Variants in WDR72 observed in about 807,000 individuals in gnomAD.
WDR72 encodes the protein WD repeat-containing protein 72.
In WDR72, 120 loss-of-function variants were observed where a neutral mutation model predicts 124.2. The observed-to-expected ratio is 0.97, with a 90% CI of 0.83 to 1.12. The LOEUF (loss-of-function observed/expected upper bound fraction) is 1.12, where lower values mean the gene tolerates loss of function less well. WDR72 is among the 50% of genes most tolerant of loss of function. The pLI, the probability that WDR72 is intolerant of heterozygous loss-of-function variation, is 0.00. For missense variants in WDR72, 1,387 were observed against 1,278.8 expected (o/e 1.08, Z -1.29); for synonymous variants, 452 against 441.7 (o/e 1.02, Z -0.29).
upstream of WDR72, among the ~76,000 whole-genome samples, chr15:53,761,256 A>T (rs1185375303): frequency 6.6e-6 from 1 of 152,222 alleles, no homozygotes; most frequent in East Asian, 1.9e-4. Context: ...GCAAATCAAA[A>T]CTACAATGGG....
intron 18 of WDR72, among the ~76,000 whole-genome samples, chr15:53,539,645 G>C (rs1240432336): frequency 6.7e-6 from 1 of 149,666 alleles, no homozygotes; most frequent in African/African-American, 2.4e-5. Flanking sequence ...GTAAACATTA[G>C]GAAAAAAAAA....
In WDR72 at chr15:53,722,988, T is replaced by C. The variant is rs1035647297; in HGVS notation, c.154-80A>G. 3 of 1,318,156 alleles carry C rather than the reference T, an allele frequency of 2.3e-6. No homozygotes were observed. In the South Asian group the frequency reaches 3.6e-5, roughly 16 times the overall value. 81.7% of individuals were successfully genotyped at this position (1,318,156 alleles called of 1,614,324 possible). A position where few individuals can be genotyped will look rare whatever the true frequency, so the allele number is the denominator to read the frequency against. On this transcript the variant is annotated intron_variant, in intron 2 of 19. Transcript: ENST00000360509. ...AACACCACAATATAGTATTCATAAC[T>C]CTGATTAGGAAATTCTGTTGTTTTT...
At chr15:53,663,647 T>C (rs1022489195) in intron 14 of WDR72, among the ~76,000 whole-genome samples, 1 of 152,074 alleles carries the variant, frequency 6.6e-6, no homozygotes, top group Non-Finnish European at 1.5e-5. Flanking sequence ...CTGAAACGCA[T>C]AGGTCAAGAG....
At chr15:53,550,394 G>A (rs943864717) in intron 18 of WDR72, among the ~76,000 whole-genome samples, 20 of 152,122 alleles carry the variant, frequency 1.3e-4, no homozygotes, top group African/African-American at 4.8e-4. Flanking sequence ...CAGACCTCTC[G>A]TCTTGACCAT....
chr15:53,756,533 T>G (rs939244945), intron 1 of WDR72: 1 of 152,170 alleles, frequency 6.6e-6, no homozygotes, highest in Non-Finnish European at 1.5e-5. Context: ...CCTCATCCTG[T>G]ACTCGCTTAT....
chr15:53,535,292 T>C (rs918951342), intron 18 of WDR72, among the ~76,000 whole-genome samples: 8 of 152,172 alleles, frequency 5.3e-5, no homozygotes, highest in Admixed American at 3.9e-4. Context: ...TTAAAATATT[T>C]CCTCATTGTA....
chr15:53,544,084 A>C (rs562438299), intron 18 of WDR72, among the ~76,000 whole-genome samples: 5,868 of 142,240 alleles, frequency 0.041, 332 homozygotes, highest in African/African-American at 0.13. Context: ...CCAGAGGTAC[A>C]AGGAGGAACT....
intron 7 of WDR72, among the ~76,000 whole-genome samples, chr15:53,711,926 A>G (rs1017347418): frequency 1.3e-5 from 2 of 152,224 alleles, no homozygotes; most frequent in Admixed American, 1.3e-4. Context: ...AGCCAGTTAT[A>G]AAAAACTTTA....
chr15:53,648,698 A>C (rs779737428), intron 14 of WDR72, among the ~76,000 whole-genome samples: 27 of 152,104 alleles, frequency 1.8e-4, no homozygotes, highest in Non-Finnish European at 3.5e-4. Flanking sequence ...TATTTCAGTC[A>C]ATTCAATTCA....
At chr15:53,543,775 G>T (rs1893292252) in intron 18 of WDR72, among the ~76,000 whole-genome samples, 1 of 151,946 alleles carries the variant, frequency 6.6e-6, no homozygotes, top group African/African-American at 2.4e-5. Flanking sequence ...AAAGAGAGAA[G>T]AATCTAATAG....
intron 18 of WDR72, among the ~76,000 whole-genome samples, chr15:53,596,008 TAACAC>T (rs1295514577): frequency 9.9e-5 from 15 of 152,146 alleles, no homozygotes; most frequent in Admixed American, 6.6e-4. Context: ...TCTCTCTACA[TAACAC>T]TCTCCAATCA....
At chr15:53,628,923 A>G (rs16966332) in intron 14 of WDR72, among the ~76,000 whole-genome samples, 18,724 of 152,124 alleles carry the variant, frequency 0.12, 1,644 homozygotes, top group African/African-American at 0.25. Flanking sequence ...TTAAAGTCAC[A>G]GGCCTGCTTA....
chr15:53,644,419 A>G (rs1225458553), intron 14 of WDR72, among the ~76,000 whole-genome samples: 1 of 152,088 alleles, frequency 6.6e-6, no homozygotes, highest in East Asian at 1.9e-4. Context: ...TTTTTAAAGG[A>G]TTTTTTAAGC....
intron 2 of WDR72, among the ~76,000 whole-genome samples, chr15:53,731,389 TC>T (rs1384049206): frequency 1.3e-5 from 2 of 151,932 alleles, no homozygotes; most frequent in Non-Finnish European, 2.9e-5. Context: ...CATATCTCTA[TC>T]CCTGGATTTC....
chr15:53,758,756 A>C (rs1314276057), intron 1 of WDR72, among the ~76,000 whole-genome samples: 1 of 73,690 alleles, frequency 1.4e-5, no homozygotes, highest in Admixed American at 2.3e-4. Context: ...GAAGTCATTT[A>C]ACACAAAACT....
intron 14 of WDR72, among the ~76,000 whole-genome samples, chr15:53,622,857 A>G (rs1452788132): frequency 6.6e-6 from 1 of 152,196 alleles, no homozygotes; most frequent in Non-Finnish European, 1.5e-5. Context: ...TGACTAGCCA[A>G]ATATTTTTAA....
intron 18 of WDR72, among the ~76,000 whole-genome samples, chr15:53,550,829 G>C (rs1009455684): frequency 5.9e-5 from 9 of 152,180 alleles, no homozygotes; most frequent in African/African-American, 2.2e-4. Flanking sequence ...TATTAGAGAA[G>C]TGGTAAACAA....
chr15:53,584,316 AG>A (rs1454879412), intron 18 of WDR72, among the ~76,000 whole-genome samples: 8 of 151,994 alleles, frequency 5.3e-5, no homozygotes, highest in Non-Finnish European at 1.2e-4. Flanking sequence ...ACAGCAACTC[AG>A]AAGGTGTTAC....
intron 6 of WDR72, 138 bp from the exon 7 acceptor site, chr15:53,713,029 T>A (rs1172339057): frequency 1.0e-6 from 1 of 961,088 alleles, no homozygotes; most frequent in East Asian, 2.6e-5. Context: ...TTTGAGTGTT[T>A]TGAACTAAGA....
Sources: allele counts gnomAD v4.1 joint callset (sites outside exome capture counted in the v4.1 genomes callset), GRCh38; gene constraint gnomAD v4.1.1; transcripts MANE v1.5; gene names NCBI Gene and HGNC (gene_info 2026-07-23, HGNC 2026-07-21).